Variants in ACSBG1 observed in about 807,000 individuals in gnomAD.
The protein encoded by ACSBG1 is acyl-CoA synthetase bubblegum family member 1, also known as long-chain-fatty-acid--CoA ligase ACSBG1.
Under a neutral mutation model 80.2 loss-of-function variants are expected in ACSBG1, and 39 were observed. That is an observed-to-expected ratio of 0.49 (90% CI 0.38 to 0.64). ACSBG1 has a LOEUF of 0.64. ACSBG1 is among the 30% of genes least tolerant of loss of function. ACSBG1 has a pLI of 0.00. For synonymous variants in ACSBG1, 392 were observed against 379.5 expected (o/e 1.03, Z -0.38); for missense variants, 828 against 966.4 (o/e 0.86, Z 1.90).
chr15:78,170,600 C>G lies in ACSBG1; in HGVS notation c.*844G>C. ...GATGCCTTCGGTCATTTTGGCTCAG[C>G]TTGCTACTGAGAATGGCTGCTTCCC... On this transcript the variant is annotated 3_prime_UTR_variant, in exon 14 of 14. Transcript: ENST00000258873. 1 of 152,426 alleles carries G rather than the reference C, an allele frequency of 6.6e-6. No homozygotes were observed. 9.4% of individuals were successfully genotyped at this position (152,426 alleles called of 1,614,324 possible).
rs2074911002 is a variant in ACSBG1 at position 78,178,831 on chromosome 15, G to A, written c.1485C>T (p.Ser495=). The change falls in exon 11 of 14, where the codon AGC becomes AGT. Residue 495 remains serine, a splice_region_variant and synonymous_variant. Coordinates refer to ENST00000258873, the MANE Select transcript of ACSBG1 (RefSeq NM_015162.5). The surrounding 1 kb of genome is among the most constrained non-coding windows in gnomAD (Gnocchi z 4.3). ...GACAGCCGGGCACCAACTTGCCTGAGCTGGCGAGGGAGGGGCCGGGAGACT... is the reference window on the plus strand; with the variant it reads ...GACAGCCGGGCACCAACTTGCCTGAACTGGCGAGGGAGGGGCCGGGAGACT... The part of the protein sequence containing the change: ...MSSPYNYRLY[S]SGKLVPGCRV... 1.2e-6 allele frequency: 2 copies of A among 1,608,540 alleles called. No homozygotes were observed. Among genetic ancestry groups the A allele is most frequent in the African/African-American group, 2.7e-5 (2 of 74,886 alleles).
At chr15:78,222,080 T>G (rs531153561) in intron 1 of ACSBG1, among the ~76,000 whole-genome samples, 4 of 152,244 alleles carry the variant, frequency 2.6e-5, no homozygotes, top group African/African-American at 9.6e-5. Flanking sequence ...GTAAACAAAA[T>G]GTGGTATGTT....
intron 1 of ACSBG1, among the ~76,000 whole-genome samples, chr15:78,220,679 AAAG>A (rs1489360876): frequency 6.6e-6 from 1 of 152,276 alleles, no homozygotes; most frequent in Non-Finnish European, 1.5e-5. Context: ...ACATTTCTCC[AAAG>A]AAGATATGCA....
At chr15:78,206,388 C>A (rs2075215076) in intron 2 of ACSBG1, among the ~76,000 whole-genome samples, 1 of 152,208 alleles carries the variant, frequency 6.6e-6, no homozygotes, top group Admixed American at 6.5e-5. Context: ...CCTGTCCCTG[C>A]CCTTTACAGA....
At chr15:78,174,321 G>C (rs1595878099) in intron 12 of ACSBG1, 64 bp downstream of exon 12, 1 of 1,609,272 alleles carries the variant, frequency 6.2e-7, no homozygotes, top group Non-Finnish European at 8.5e-7. Flanking sequence ...TGTGGCTTCT[G>C]CCAGCCAGAC....
chr15:78,182,695 C>G lies in ACSBG1; in HGVS notation c.744+10G>C, dbSNP rs370323170. ...GCCCCACCTGGCGCCCAGGGCCCCA[C>G]TGCCCATACCGTGTACACATTGGCC... On this transcript the variant is annotated intron_variant, in intron 6 of 13. Coordinates refer to ENST00000258873, the MANE Select transcript of ACSBG1 (RefSeq NM_015162.5). The G allele has an allele frequency of 4.3e-6, 7 of 1,614,114 alleles. No individual in the cohort carries two copies. In the African/African-American group the frequency reaches 9.3e-5, roughly 22 times the overall value.
At chr15:78,220,544 G>A (rs140154409) in intron 1 of ACSBG1, among the ~76,000 whole-genome samples, 40 of 151,754 alleles carry the variant, frequency 2.6e-4, no homozygotes, top group African/African-American at 8.7e-4. Flanking sequence ...CCACAGAATG[G>A]GAGAAAACAT....
chr15:78,223,978 TTC>T (rs1357907275), intron 1 of ACSBG1, among the ~76,000 whole-genome samples: 4 of 152,114 alleles, frequency 2.6e-5, no homozygotes, highest in African/African-American at 9.7e-5. Flanking sequence ...AGGGAACAGA[TTC>T]TGTCCTAGAG....
chr15:78,180,984 G>GC (rs746422518), intron 8 of ACSBG1, 48 bp from the exon 9 acceptor site: 33 of 1,585,730 alleles, frequency 2.1e-5, no homozygotes, highest in Non-Finnish European at 2.6e-5. Flanking sequence ...GGCATCTGGG[G>GC]CCCAGGGGTC....
intron 2 of ACSBG1, among the ~76,000 whole-genome samples, chr15:78,197,925 G>A (rs1447716039): frequency 6.6e-6 from 1 of 152,124 alleles, no homozygotes; most frequent in African/African-American, 2.4e-5. Context: ...ACATCTAGAA[G>A]CTCACGCTCC....
chr15:78,171,341 CT>C lies in ACSBG1; in HGVS notation c.*102del. 1 of 912,640 alleles carries C rather than the reference CT, an allele frequency of 1.1e-6. No individual in the cohort carries two copies. The allele number at this position is 912,640 out of a possible 1,614,324, so 56.5% of individuals were successfully genotyped here. A position where few individuals can be genotyped will look rare whatever the true frequency, so the allele number is the denominator to read the frequency against. Reference sequence around the variant, plus strand: ...TGCCCTGACCTGGAGATCTAACAGACTTGGCAGAAATGCCTGTGCCCAGACT... The same window carrying C: ...TGCCCTGACCTGGAGATCTAACAGACTGGCAGAAATGCCTGTGCCCAGACT... On this transcript the variant is annotated 3_prime_UTR_variant, in exon 14 of 14. Transcript: ENST00000258873.
At chr15:78,196,470 T>C (rs1567088007) in intron 2 of ACSBG1, among the ~76,000 whole-genome samples, 1 of 152,156 alleles carries the variant, frequency 6.6e-6, no homozygotes, top group Non-Finnish European at 1.5e-5. Flanking sequence ...ATGTGAGGGG[T>C]TGATGAGGAC....
chr15:78,217,817 G>A (rs778773653), intron 1 of ACSBG1, among the ~76,000 whole-genome samples: 55 of 152,034 alleles, frequency 3.6e-4, no homozygotes, highest in Middle Eastern at 3.4e-3. Context: ...CGCCTGCCTC[G>A]GCCTCCCAAA....
intron 1 of ACSBG1, among the ~76,000 whole-genome samples, chr15:78,208,334 A>T (rs1230059710): frequency 7.2e-5 from 11 of 152,028 alleles, no homozygotes; most frequent in Non-Finnish European, 8.8e-5. Flanking sequence ...TCCAGGCTCT[A>T]AGGGCTCAGG....
chr15:78,204,494 C>T (rs2075196279), intron 2 of ACSBG1, among the ~76,000 whole-genome samples: 2 of 152,212 alleles, frequency 1.3e-5, no homozygotes, highest in Non-Finnish European at 2.9e-5. Flanking sequence ...TAGGAGGGGA[C>T]ACCCAGGCAG....
At chr15:78,233,136 T>C (rs1297625035) in intron 1 of ACSBG1, among the ~76,000 whole-genome samples, 1 of 152,166 alleles carries the variant, frequency 6.6e-6, no homozygotes, top group Non-Finnish European at 1.5e-5. Context: ...CCAGCTTTCT[T>C]CCAGGGGCCC....
chr15:78,191,825 GAC>G (rs1351280589), intron 5 of ACSBG1, among the ~76,000 whole-genome samples: 1 of 152,134 alleles, frequency 6.6e-6, no homozygotes, highest in East Asian at 1.9e-4. Flanking sequence ...CCTATGGGGT[GAC>G]ATAATGATTT....
At chr15:78,205,274 G>A (rs528237647) in intron 2 of ACSBG1, among the ~76,000 whole-genome samples, 1 of 152,276 alleles carries the variant, frequency 6.6e-6, no homozygotes, top group East Asian at 1.9e-4. Flanking sequence ...GCCATCTGGA[G>A]AGCTCAGAGC....
chr15:78,191,003 T>A (rs1016763543), intron 5 of ACSBG1, among the ~76,000 whole-genome samples: 1 of 152,218 alleles, frequency 6.6e-6, no homozygotes, highest in East Asian at 1.9e-4. Flanking sequence ...CTCAACTATG[T>A]GCTGTCTACA....
Sources: allele counts gnomAD v4.1 joint callset (sites outside exome capture counted in the v4.1 genomes callset), GRCh38; gene constraint gnomAD v4.1.1; non-coding constraint Gnocchi (gnomAD v3.1); transcripts MANE v1.5; gene names NCBI Gene and HGNC (gene_info 2026-07-23, HGNC 2026-07-21).